The following ZNF469 variants were observed in gnomAD, a reference collection of about 807,000 sequenced individuals.
The protein encoded by ZNF469 is zinc finger protein 469.
ZNF469 carries 1 observed loss-of-function variant against 1.0 expected under a neutral mutation model. The ratio of observed to expected loss-of-function variants is 1.00; its 90% CI spans 0.35 to 4.73. The LOEUF (loss-of-function observed/expected upper bound fraction) is 4.73. Ranked by LOEUF, ZNF469 falls within the 30% of genes most tolerant of loss-of-function variation. The probability of loss-of-function intolerance (pLI) is 0.16; values close to 1 mark genes in which losing one functional copy is unlikely to be tolerated. For missense variants in ZNF469, 6,100 were observed against 5,356.3 expected (o/e 1.14, Z -4.33); for synonymous variants, 2,703 against 2,363.4 (o/e 1.14, Z -4.17).
the ZNF469 span, among the ~76,000 whole-genome samples, chr16:88,290,244 G>C: frequency 6.6e-6 from 1 of 152,234 alleles, no homozygotes; most frequent in Non-Finnish European, 1.5e-5. Flanking sequence ...GCAGCTGATG[G>C]ACTTTCAGAT....
At chr16:88,176,144 T>G in the ZNF469 span, among the ~76,000 whole-genome samples, 1 of 151,464 alleles carries the variant, frequency 6.6e-6, no homozygotes, top group African/African-American at 2.4e-5. Context: ...TCTGGCACCC[T>G]GCACCCACCG....
the ZNF469 span, among the ~76,000 whole-genome samples, chr16:88,106,141 C>T: frequency 2.0e-5 from 3 of 152,304 alleles, no homozygotes; most frequent in East Asian, 1.9e-4. Flanking sequence ...CTTGGGTAGC[C>T]GGGTCCCTGC....
the ZNF469 span, among the ~76,000 whole-genome samples, chr16:88,328,425 C>A: frequency 6.6e-6 from 1 of 152,172 alleles, no homozygotes; most frequent in South Asian, 2.1e-4. Context: ...CCCAGGAAAA[C>A]GCCATGGCAG....
the ZNF469 span, among the ~76,000 whole-genome samples, chr16:88,251,538 CTTTTTTTTTTTTTTTTTTTT>C: frequency 2.0e-4 from 10 of 51,238 alleles, no homozygotes; most frequent in South Asian, 9.8e-4. Flanking sequence ...TCCCTGCTGT[CTTTTTTTTTTTTTTTTTTTT>C]TTTTTTTTTT....
chr16:88,344,238 A>G, the ZNF469 span, among the ~76,000 whole-genome samples: 1 of 138,494 alleles, frequency 7.2e-6, no homozygotes, highest in Non-Finnish European at 1.6e-5. Context: ...GAGAAAGGGC[A>G]TGGGGGGAGA....
chr16:88,251,635 T>G, the ZNF469 span, among the ~76,000 whole-genome samples: 45,833 of 139,782 alleles, frequency 0.33, 7,680 homozygotes, highest in Middle Eastern at 0.46. Flanking sequence ...CTCGGCTCAC[T>G]GCAACCTCCA....
chr16:88,334,309 AAAC>A, the ZNF469 span, among the ~76,000 whole-genome samples: 13 of 152,288 alleles, frequency 8.5e-5, no homozygotes, highest in South Asian at 6.2e-4. Flanking sequence ...GGATGGTAAA[AAAC>A]AACAACAACA....
At chr16:88,348,043 A>G in the ZNF469 span, among the ~76,000 whole-genome samples, 13 of 152,206 alleles carry the variant, frequency 8.5e-5, no homozygotes, top group African/African-American at 3.1e-4. Flanking sequence ...TGGTGGGCGG[A>G]GCATGGTCGT....
At chr16:88,193,003 A>ATGGTGG in the ZNF469 span, among the ~76,000 whole-genome samples, 4 of 106,450 alleles carry the variant, frequency 3.8e-5, no homozygotes, top group Admixed American at 3.4e-4. Context: ...GGTGGTGGTG[A>ATGGTGG]TGGTGGTGAT....
At chr16:88,359,992 T>C in the ZNF469 span, among the ~76,000 whole-genome samples, 1 of 152,346 alleles carries the variant, frequency 6.6e-6, no homozygotes, top group Non-Finnish European at 1.5e-5. Flanking sequence ...GAGAGGTCAA[T>C]ATTTGTATAT....
chr16:88,223,210 A>G, the ZNF469 span, among the ~76,000 whole-genome samples: 3 of 152,126 alleles, frequency 2.0e-5, no homozygotes, highest in African/African-American at 7.2e-5. Flanking sequence ...AGTGGGAGAA[A>G]ACTGAACCAT....
the ZNF469 span, among the ~76,000 whole-genome samples, chr16:88,189,867 C>G: frequency 6.6e-6 from 1 of 151,924 alleles, no homozygotes; most frequent in African/African-American, 2.4e-5. This position sits in a 1 kb window ranked among gnomAD's most constrained non-coding sequence, Gnocchi z 4.3. Flanking sequence ...TGCAGTGAGC[C>G]GAGATTGCAC....
At chr16:88,272,898 G>A in the ZNF469 span, among the ~76,000 whole-genome samples, 25 of 82,314 alleles carry the variant, frequency 3.0e-4, no homozygotes, top group South Asian at 9.2e-4. Context: ...GAGTGGACGG[G>A]TGGATGAACG....
chr16:88,287,606 C>T, the ZNF469 span, among the ~76,000 whole-genome samples: 2 of 152,226 alleles, frequency 1.3e-5, no homozygotes, highest in African/African-American at 4.8e-5. Context: ...AAATACACAT[C>T]ACTTAAAGCC....
chr16:88,395,609 C>T (rs532453855), intron 1 of ZNF469, among the ~76,000 whole-genome samples: 5 of 152,118 alleles, frequency 3.3e-5, no homozygotes, highest in African/African-American at 1.2e-4. Flanking sequence ...TGTCAGGGAT[C>T]CTCATGGAAG....
chr16:88,153,069 G>A, the ZNF469 span, among the ~76,000 whole-genome samples: 17 of 152,184 alleles, frequency 1.1e-4, no homozygotes, highest in Admixed American at 2.6e-4. Flanking sequence ...CCCACGACAG[G>A]ATATTTCTTT....
chr16:88,252,352 C>T, the ZNF469 span, among the ~76,000 whole-genome samples: 1 of 151,018 alleles, frequency 6.6e-6, no homozygotes, highest in East Asian at 1.9e-4. Flanking sequence ...ACTCCACACC[C>T]AGGCAGTCTT....
the ZNF469 span, among the ~76,000 whole-genome samples, chr16:88,102,199 G>A: frequency 2.6e-5 from 4 of 152,190 alleles, no homozygotes; most frequent in Admixed American, 2.0e-4. Flanking sequence ...GAGGGCGTCG[G>A]TGGCTTTTTG....
the ZNF469 span, among the ~76,000 whole-genome samples, chr16:88,192,549 A>G: frequency 6.6e-6 from 1 of 152,238 alleles, no homozygotes; most frequent in Non-Finnish European, 1.5e-5. Context: ...TCTCAGGAGC[A>G]AGAGACAAAG....
Sources: allele counts gnomAD v4.1 joint callset (sites outside exome capture counted in the v4.1 genomes callset), GRCh38; gene constraint gnomAD v4.1.1; non-coding constraint Gnocchi (gnomAD v3.1); transcripts MANE v1.5; gene names NCBI Gene and HGNC (gene_info 2026-07-23, HGNC 2026-07-21).